KAZN: variants seen among roughly 807,000 people sequenced by gnomAD.
KAZN encodes the protein kazrin, periplakin interacting protein.
In KAZN, 40 loss-of-function variants were observed where a neutral mutation model predicts 87.4. The observed-to-expected ratio is 0.46, with a 90% CI of 0.36 to 0.60. The LOEUF (loss-of-function observed/expected upper bound fraction) is 0.60, where lower values mean the gene tolerates loss of function less well. Ranked by LOEUF, KAZN falls within the 20% of genes least tolerant of loss-of-function variation. The probability of loss-of-function intolerance (pLI) is 0.00; values close to 1 mark genes in which losing one functional copy is unlikely to be tolerated. For missense variants in KAZN, 898 were observed against 1,073.9 expected, an observed-to-expected ratio of 0.84 and a Z score of 2.29; for synonymous variants, 466 against 458.3, an observed-to-expected ratio of 1.02 and a Z score of -0.22.
At chr1:15,102,475 T>C (rs953793377) in intron 11 of KAZN, among the ~76,000 whole-genome samples, 4 of 151,356 alleles carry the variant, frequency 2.6e-5, no homozygotes, top group Non-Finnish European at 5.9e-5. Flanking sequence ...GGCTTTGAGG[T>C]GGGAGGTGGT....
chr1:14,357,287 T>G (rs1267448334), intron 2 of KAZN, among the ~76,000 whole-genome samples: 1 of 152,242 alleles, frequency 6.6e-6, no homozygotes, highest in Non-Finnish European at 1.5e-5. Flanking sequence ...CCTGAGACTT[T>G]GCTGAAGTTG....
At chr1:14,445,466 A>T (rs1431647657) in intron 2 of KAZN, among the ~76,000 whole-genome samples, 2 of 152,164 alleles carry the variant, frequency 1.3e-5, no homozygotes, top group African/African-American at 4.8e-5. Context: ...AACCACCAGA[A>T]ACTGGGAGAG....
chr1:14,952,612 G>A (rs894640648), intron 1 of KAZN, among the ~76,000 whole-genome samples: 11 of 151,670 alleles, frequency 7.3e-5, no homozygotes, highest in Non-Finnish European at 8.8e-5. Context: ...TGTCCACCCC[G>A]ATGGTCAGCT....
At chr1:14,434,750 A>G (rs6692125) in intron 2 of KAZN, among the ~76,000 whole-genome samples, 5,908 of 152,058 alleles carry the variant, frequency 0.039, 172 homozygotes, top group African/African-American at 0.085. Flanking sequence ...CTGGGACCCC[A>G]GCCCAGGACC....
At chr1:14,293,428 T>G (rs1410455524) in intron 2 of KAZN, among the ~76,000 whole-genome samples, 1 of 152,204 alleles carries the variant, frequency 6.6e-6, no homozygotes, top group Non-Finnish European at 1.5e-5. Flanking sequence ...CATCTCTCCC[T>G]CCTTCTTCTT....
chr1:14,355,859 T>C (rs1658977519), intron 2 of KAZN, among the ~76,000 whole-genome samples: 1 of 152,226 alleles, frequency 6.6e-6, no homozygotes, highest in South Asian at 2.1e-4. Context: ...GCTCCAAGTC[T>C]TTGCTATTGT....
intron 1 of KAZN, among the ~76,000 whole-genome samples, chr1:14,714,096 G>A (rs1166193163): frequency 6.6e-6 from 1 of 152,088 alleles, no homozygotes; most frequent in Non-Finnish European, 1.5e-5. Flanking sequence ...CACATAACTG[G>A]GTCTTGCTCT....
At chr1:14,723,232 A>T (rs1643208558) in intron 1 of KAZN, among the ~76,000 whole-genome samples, 1 of 152,124 alleles carries the variant, frequency 6.6e-6, no homozygotes, top group South Asian at 2.1e-4. Context: ...TTGCAAAGAG[A>T]TCCTAATCCT....
intron 2 of KAZN, among the ~76,000 whole-genome samples, chr1:14,416,773 A>G (rs1436844849): frequency 1.3e-5 from 2 of 152,000 alleles, no homozygotes; most frequent in African/African-American, 2.4e-5. Context: ...TTTTAATTTT[A>G]TTATATATAA....
chr1:14,795,339 A>C (rs1356329747), intron 1 of KAZN, among the ~76,000 whole-genome samples: 1 of 152,148 alleles, frequency 6.6e-6, no homozygotes. Flanking sequence ...CACAGAGAGC[A>C]CAACACGGGG....
chr1:14,222,722 G>A (rs1461210489), intron 2 of KAZN, among the ~76,000 whole-genome samples: 1 of 152,140 alleles, frequency 6.6e-6, no homozygotes, highest in Admixed American at 6.5e-5. Flanking sequence ...CTCCCAAGAG[G>A]GATGAATGTA....
At chr1:14,609,737 T>A (rs1677665872) in intron 1 of KAZN, among the ~76,000 whole-genome samples, 1 of 152,272 alleles carries the variant, frequency 6.6e-6, no homozygotes, top group Admixed American at 6.5e-5. Context: ...TTCACAGGCA[T>A]CATCCCAGTG....
Position 14,010,027 on chromosome 1 carries a change from G to A in KAZN, c.91+116271G>A, listed in dbSNP as rs551493450. 9.2e-5 allele frequency among the ~76,000 whole-genome samples: 14 copies of A among 152,200 alleles called. No individual in the cohort carries two copies. The South Asian group carries it at 2.7e-3, about 29-fold the overall frequency. On this transcript the variant is annotated intron_variant, in intron 1 of 16. Coordinates refer to the KAZN transcript ENST00000636203. ...CAAGACTATTGTAGACAATCTATAGGCATTCAATTAACACATCAACAATTT... is the reference window on the plus strand; with the variant it reads ...CAAGACTATTGTAGACAATCTATAGACATTCAATTAACACATCAACAATTT...
At chr1:14,852,674 C>G (rs1177567590) in intron 1 of KAZN, among the ~76,000 whole-genome samples, 1 of 152,242 alleles carries the variant, frequency 6.6e-6, no homozygotes, top group Non-Finnish European at 1.5e-5. Context: ...ATGACAAGTG[C>G]AAGCCTTGGA....
chr1:14,071,578 C>T (rs1228883662), intron 1 of KAZN, among the ~76,000 whole-genome samples: 1 of 152,186 alleles, frequency 6.6e-6, no homozygotes, highest in African/African-American at 2.4e-5. Flanking sequence ...AGCATCCTGT[C>T]AGCATTGTGA....
At chr1:14,438,587 G>C (rs563372124) in intron 2 of KAZN, among the ~76,000 whole-genome samples, 1 of 152,340 alleles carries the variant, frequency 6.6e-6, no homozygotes, top group South Asian at 2.1e-4. Context: ...AAATGGCAAG[G>C]AGGCCAGAGT....
intron 1 of KAZN, among the ~76,000 whole-genome samples, chr1:14,606,357 G>A (rs1677358370): frequency 6.6e-6 from 1 of 152,132 alleles, no homozygotes; most frequent in Non-Finnish European, 1.5e-5. Context: ...GGTCCTTACG[G>A]TAAAGTCTTA....
chr1:13,996,538 G>A (rs1452120096), intron 1 of KAZN, among the ~76,000 whole-genome samples: 2 of 152,230 alleles, frequency 1.3e-5, no homozygotes, highest in East Asian at 3.9e-4. Context: ...TGGATGGCTT[G>A]GTCCCAAGAT....
intron 1 of KAZN, among the ~76,000 whole-genome samples, chr1:14,126,683 T>A (rs1036922347): frequency 5.3e-5 from 8 of 152,144 alleles, no homozygotes; most frequent in African/African-American, 1.9e-4. Context: ...TTCCCCAATG[T>A]CACACAGCTT....
Sources: gnomAD v4.1 joint callset for allele counts (sites outside exome capture counted in the v4.1 genomes callset) on GRCh38, gnomAD v4.1.1 for gene constraint, MANE v1.5 for transcripts, NCBI Gene and HGNC (gene_info 2026-07-23, HGNC 2026-07-21) for gene names.